The following CALHM3 variants were observed in gnomAD, a reference collection of about 807,000 sequenced individuals.
The protein encoded by CALHM3 is calcium homeostasis modulator 3, also known as calcium homeostasis modulator protein 3.
Under a neutral mutation model 13.6 loss-of-function variants are expected in CALHM3, and 9 were observed. The observed-to-expected ratio is 0.66, with a 90% CI of 0.40 to 1.15. The LOEUF (loss-of-function observed/expected upper bound fraction) is 1.15. CALHM3 is among the 50% of genes most tolerant of loss of function. CALHM3 has a pLI of 0.01. For missense variants in CALHM3, 497 were observed against 463.4 expected (o/e 1.07, Z -0.67); for synonymous variants, 231 against 213.2 (o/e 1.08, Z -0.73).
Position 103,476,289 on chromosome 10 carries a change from G to A in CALHM3, c.543+5C>T. On this transcript the variant is annotated splice_donor_5th_base_variant and intron_variant, in intron 2 of 2. Coordinates refer to ENST00000369783, the MANE Select transcript of CALHM3 (RefSeq NM_001129742.2). ...CAAGGGCCGGGGGAGGATCACCCCA[G>A]TTACCTGTGACAGGCACCGCAGGTA... The A allele has an allele frequency of 6.4e-7, 1 of 1,551,186 alleles. No individual in the cohort carries two copies.
intron 1 of CALHM3, among the ~76,000 whole-genome samples, chr10:103,478,358 C>T (rs3014200): frequency 0.71 from 108,173 of 152,158 alleles, 39,065 homozygotes; most frequent in South Asian, 0.85. Flanking sequence ...ATTTGTATGC[C>T]TTTTCTCTTA....
chr10:103,476,799 C>T (rs1245734513), intron 1 of CALHM3, among the ~76,000 whole-genome samples: 2 of 152,232 alleles, frequency 1.3e-5, no homozygotes, highest in Non-Finnish European at 2.9e-5. Context: ...GGTGCCCTGC[C>T]CATGCCAGAG....
Position 103,476,612 on chromosome 10 carries a change from G to A in CALHM3, c.288-63C>T, listed in dbSNP as rs181315310. The A allele has an allele frequency of 3.3e-6, 5 of 1,532,322 alleles. No homozygotes were observed. In the East Asian group the frequency reaches 1.2e-4, roughly 38 times the overall value. 94.9% of individuals were successfully genotyped at this position (1,532,322 alleles called of 1,614,324 possible). Reference sequence around the variant, plus strand: ...GGAAGTCAGCTGCAGCAGGGGAGGTGCAAGGATGGACTGCTGGGAAGTCCC... The same window carrying A: ...GGAAGTCAGCTGCAGCAGGGGAGGTACAAGGATGGACTGCTGGGAAGTCCC... On this transcript the variant is annotated intron_variant, in intron 1 of 2. Coordinates refer to ENST00000369783, the MANE Select transcript of CALHM3 (RefSeq NM_001129742.2).
chr10:103,478,423 A>T lies in CALHM3; in HGVS notation c.287+323T>A, dbSNP rs568319231. ...GCAGAGCTTCAGAGGGCAAAGAGGA[A>T]GTTTTCCCGCAGCCCCTAGAGTGGC... On this transcript the variant is annotated intron_variant, in intron 1 of 2. Coordinates refer to ENST00000369783, the MANE Select transcript of CALHM3 (RefSeq NM_001129742.2). 6.6e-5 allele frequency among the ~76,000 whole-genome samples: 10 copies of T among 152,364 alleles called. No individual in the cohort carries two copies. In the South Asian group the frequency reaches 2.1e-3, roughly 32 times the overall value.
rs1377005652 is a variant in CALHM3 at position 103,476,274 on chromosome 10, G to A, written c.543+20C>T. 1 of 1,550,536 alleles carries A rather than the reference G, an allele frequency of 6.4e-7. No individual in the cohort carries two copies. The highest frequency in any genetic ancestry group is 2.0e-5 in the Admixed American group (1 of 50,994). On this transcript the variant is annotated intron_variant, in intron 2 of 2. Coordinates refer to ENST00000369783, the MANE Select transcript of CALHM3 (RefSeq NM_001129742.2). ...GGATTTGTGAGGGTGCAAGGGCCGGGGGAGGATCACCCCAGTTACCTGTGA... is the reference window on the plus strand; with the variant it reads ...GGATTTGTGAGGGTGCAAGGGCCGGAGGAGGATCACCCCAGTTACCTGTGA...
At chr10:103,475,516 T>C (rs1564795580) in intron 2 of CALHM3, among the ~76,000 whole-genome samples, 1 of 152,184 alleles carries the variant, frequency 6.6e-6, no homozygotes, top group Non-Finnish European at 1.5e-5. Flanking sequence ...CAAGCTCCCC[T>C]GTATTTTGCA....
intron 1 of CALHM3, among the ~76,000 whole-genome samples, chr10:103,477,184 TCTAACACCC>T (rs2033399405): frequency 6.6e-6 from 1 of 152,118 alleles, no homozygotes; most frequent in Non-Finnish European, 1.5e-5. Context: ...AAGCAGCACC[TCTAACACCC>T]CTACCCACAA....
chr10:103,477,733 C>T (rs2033406542), intron 1 of CALHM3, among the ~76,000 whole-genome samples: 1 of 152,118 alleles, frequency 6.6e-6, no homozygotes, highest in Non-Finnish European at 1.5e-5. Flanking sequence ...CCACGCCCAG[C>T]TAATTTTTTA....
In CALHM3 at chr10:103,473,387, G is replaced by C. The variant is rs1206343659; in HGVS notation, c.861C>G (p.Ala287=). Residue 287 remains alanine, a synonymous_variant, in exon 3 of 3, where the codon GCC becomes GCG. Transcript: ENST00000369783. Reference sequence around the variant, plus strand: ...CCCGGCTGGAGATTGCGCGCAGGTGGGCCTTCCCACTTCCACTATCCAGGC... The same window carrying C: ...CCCGGCTGGAGATTGCGCGCAGGTGCGCCTTCCCACTTCCACTATCCAGGC... The part of the protein sequence containing the change: ...PEGLDSGSGK[A]HLRAISSREQ... The C allele has an allele frequency of 6.7e-7, 1 of 1,493,594 alleles. No individual in the cohort carries two copies. The highest frequency in any genetic ancestry group is 2.2e-5 in the Admixed American group (1 of 44,912). The allele number at this position is 1,493,594 out of a possible 1,614,324, so 92.5% of individuals were successfully genotyped here.
intron 2 of CALHM3, among the ~76,000 whole-genome samples, chr10:103,476,058 C>T (rs963484614): frequency 6.6e-6 from 1 of 152,206 alleles, no homozygotes; most frequent in African/African-American, 2.4e-5. Context: ...ATGCTCACTG[C>T]AGTGCCTGGC....
chr10:103,473,105 A>T lies in CALHM3; in HGVS notation c.*108T>A, dbSNP rs895021500. 7 of 1,177,070 alleles carry T rather than the reference A, an allele frequency of 5.9e-6. No homozygotes were observed. The highest frequency in any genetic ancestry group is 4.1e-5 in the Admixed American group (1 of 24,556). The allele number at this position is 1,177,070 out of a possible 1,614,324, so 72.9% of individuals were successfully genotyped here. A position where few individuals can be genotyped will look rare whatever the true frequency, so the allele number is the denominator to read the frequency against. Reference sequence around the variant, plus strand: ...GGCTACTTTAAAAAGGAGGCTAACAAGACTTAGGGTGCCTGCCGTGGGGTC... The same window carrying T: ...GGCTACTTTAAAAAGGAGGCTAACATGACTTAGGGTGCCTGCCGTGGGGTC... On this transcript the variant is annotated 3_prime_UTR_variant, in exon 3 of 3. Coordinates refer to ENST00000369783, the MANE Select transcript of CALHM3 (RefSeq NM_001129742.2).
In CALHM3 at chr10:103,473,476, C is replaced by A. The variant is rs942375560; in HGVS notation, c.772G>T (p.Gly258Trp). 9 of 1,548,758 alleles carry A rather than the reference C, an allele frequency of 5.8e-6. No individual in the cohort carries two copies. The African/African-American group carries it at 8.2e-5, about 14-fold the overall frequency. Residue 258 changes from glycine (G) to tryptophan (W), a missense_variant, in exon 3 of 3, where the codon GGG (glycine) becomes TGG (tryptophan). Coordinates refer to ENST00000369783, the MANE Select transcript of CALHM3 (RefSeq NM_001129742.2). ...CTGCCTGCATTGCCCCGGCGCAGCC[C>A]CCGCGCCTGCAGCTCACTCCGCATG... ...ASMRSELQAR[G>W]LRRGNAGRRL...
In CALHM3 at chr10:103,473,046, C is replaced by G; in HGVS notation, c.*167G>C. 1.5e-6 allele frequency: 1 copy of G among 678,820 alleles called. No homozygotes were observed. The highest frequency in any genetic ancestry group is 2.1e-6 in the Non-Finnish European group (1 of 478,814). 42.0% of individuals were successfully genotyped at this position (678,820 alleles called of 1,614,324 possible). ...TCCACATTAAAGTTTGTGAAGCGCGCTGGAGGCCACACCCAGAAACTAGGC... is the reference window on the plus strand; with the variant it reads ...TCCACATTAAAGTTTGTGAAGCGCGGTGGAGGCCACACCCAGAAACTAGGC... On this transcript the variant is annotated 3_prime_UTR_variant, in exon 3 of 3. Transcript: ENST00000369783.
chr10:103,473,742 G>C (rs2033357437), intron 2 of CALHM3, 38 bp from the exon 3 acceptor site: 21 of 1,507,358 alleles, frequency 1.4e-5, no homozygotes, highest in Non-Finnish European at 1.5e-5. Context: ...ATGTGAGTGG[G>C]GCCTAATCCT....
At chr10:103,477,869 G>A (rs924988688) in intron 1 of CALHM3, among the ~76,000 whole-genome samples, 3 of 149,614 alleles carry the variant, frequency 2.0e-5, no homozygotes, top group African/African-American at 7.7e-5. Context: ...CACCGCGCCT[G>A]GCCCCCCCAC....
chr10:103,473,774 T>TA (rs2033358268), intron 2 of CALHM3, 70 bp from the exon 3 acceptor site: 44 of 1,419,720 alleles, frequency 3.1e-5, no homozygotes, highest in Non-Finnish European at 4.0e-5. Context: ...TATTTATGAA[T>TA]ACGTATATGA....
chr10:103,475,791 TA>T (rs1376185447), intron 2 of CALHM3, among the ~76,000 whole-genome samples: 2 of 152,196 alleles, frequency 1.3e-5, no homozygotes, highest in Non-Finnish European at 2.9e-5. Context: ...ATCTGGAGTC[TA>T]GGCTGGGGGT....
In CALHM3 at chr10:103,478,935, A is replaced by G. The variant is rs2033424829; in HGVS notation, c.98T>C (p.Leu33Pro). Reference sequence around the variant, plus strand: ...ACAGTTGAAGTCAAAGGAGGAGTACAGCTTGACGGTGACCGCAGCCAGCAG... The same window carrying G: ...ACAGTTGAAGTCAAAGGAGGAGTACGGCTTGACGGTGACCGCAGCCAGCAG... ...CLLLAAVTVK[L>P]YSSFDFNCPC... The change falls in exon 1 of 3, where the codon CTG becomes CCG. Residue 33 changes from leucine (L) to proline (P), a missense_variant. Leu to Pro is a moderately conservative substitution (Grantham distance 98). Transcript: ENST00000369783. 6.4e-7 allele frequency: 1 copy of G among 1,551,620 alleles called. No homozygotes were observed. Among genetic ancestry groups the G allele is most frequent in the Admixed American group, 2.0e-5 (1 of 50,992 alleles).
rs186020415 is a variant in CALHM3, at chr10:103,476,485, G to C, written c.352C>G (p.Leu118Val). 6.4e-7 allele frequency: 1 copy of C among 1,551,572 alleles called. No individual in the cohort carries two copies. The highest frequency in any genetic ancestry group is 8.7e-7 in the Non-Finnish European group (1 of 1,147,020). ...AAPLVWILLA[L>V]LDGKCFVCAF... ...CACACGAAGCACTTCCCGTCAAGGA[G>C]GGCCAGCAGGATCCAGACCAGGGGG... is the stretch of plus-strand genomic sequence containing the variant. The change falls in exon 2 of 3, where the codon CTC (leucine) becomes GTC (valine). Residue 118 changes from leucine to valine, a missense_variant. Transcript: ENST00000369783.
Sources: allele counts gnomAD v4.1 joint callset (sites outside exome capture counted in the v4.1 genomes callset), GRCh38; gene constraint gnomAD v4.1.1; transcripts MANE v1.5; gene names NCBI Gene and HGNC (gene_info 2026-07-23, HGNC 2026-07-21).